ATG7: variants seen among roughly 807,000 people sequenced by gnomAD.
ATG7 encodes the protein ubiquitin-like modifier-activating enzyme ATG7.
Under a neutral mutation model 82.4 loss-of-function variants are expected in ATG7, and 70 were observed. The observed-to-expected ratio is 0.85, with a 90% CI of 0.70 to 1.04. The LOEUF (loss-of-function observed/expected upper bound fraction) is 1.04, where lower values mean the gene tolerates loss of function less well. Among genes scored for constraint, ATG7 ranks in the 50% least tolerant of loss-of-function variants. The pLI is 0.00. For missense variants in ATG7, 792 were observed against 864.3 expected, an observed-to-expected ratio of 0.92 and a Z score of 1.05; for synonymous variants, 287 against 313.0, an observed-to-expected ratio of 0.92 and a Z score of 0.88.
intron 19 of ATG7, among the ~76,000 whole-genome samples, chr3:11,383,820 A>G (rs1448316434): frequency 6.6e-6 from 1 of 152,256 alleles, no homozygotes; most frequent in Non-Finnish European, 1.5e-5. Context: ...TTGCTAGCCC[A>G]TACTACTACA....
At chr3:11,354,223 A>T (rs2075769201) in intron 14 of ATG7, among the ~76,000 whole-genome samples, 1 of 151,850 alleles carries the variant, frequency 6.6e-6, no homozygotes, top group African/African-American at 2.4e-5. Context: ...GGTGCCTTTA[A>T]AAAAGCTATG....
intron 3 of ATG7, among the ~76,000 whole-genome samples, chr3:11,289,564 A>G (rs1355202732): frequency 6.6e-6 from 1 of 152,210 alleles, no homozygotes; most frequent in Non-Finnish European, 1.5e-5. Flanking sequence ...CCTAAGGCCA[A>G]ATAAGTCAGA....
At chr3:11,329,254 T>G (rs1951307412) in intron 9 of ATG7, among the ~76,000 whole-genome samples, 1 of 152,228 alleles carries the variant, frequency 6.6e-6, no homozygotes, top group Non-Finnish European at 1.5e-5. Context: ...GGGTTATGGG[T>G]ATTCTTCTGA....
chr3:11,392,283 G>A (rs1184358018), intron 19 of ATG7, among the ~76,000 whole-genome samples: 2 of 151,926 alleles, frequency 1.3e-5, no homozygotes, highest in Non-Finnish European at 2.9e-5. Flanking sequence ...TGGAGGGCAG[G>A]GACATGCAGC....
rs1425736475 is a variant in ATG7, at chr3:11,306,720, A to G, written c.216-223A>G. Among the ~76,000 whole-genome samples, 4 of 152,200 alleles carry G rather than the reference A, an allele frequency of 2.6e-5. 1 individual carries two copies. The highest frequency in any genetic ancestry group is 4.1e-4 in the South Asian group (2 of 4,830). ...TGGGGGACAGTAGAACAGCATCCTG[A>G]TAGGTTAGAGTATAGGGAATATATA... On this transcript the variant is annotated intron_variant, in intron 5 of 20. Transcript: ENST00000693202.
chr3:11,555,093 C>G lies in ATG7; in HGVS notation c.*250C>G, dbSNP rs553825991. On this transcript the variant is annotated 3_prime_UTR_variant, in exon 21 of 21. Coordinates refer to ENST00000693202, the MANE Select transcript of ATG7 (RefSeq NM_001349232.2). ...TGCTATTGACCTGGGACTTGGTCCT[C>G]CATGCAGTTTTTATTTCTTGTCACA... The G allele has an allele frequency of 6.4e-5, 33 of 512,080 alleles. No homozygotes were observed. Among genetic ancestry groups the G allele is most frequent in the African/African-American group, 6.3e-4 (32 of 50,940 alleles). The allele number at this position is 512,080 out of a possible 1,614,324, so 31.7% of individuals were successfully genotyped here.
downstream of ATG7, chr3:11,559,491 G>T: frequency 6.6e-7 from 1 of 1,519,042 alleles, no homozygotes; most frequent in Non-Finnish European, 8.8e-7. Context: ...GTGGAGACCA[G>T]CTTCAGTACC....
chr3:11,459,329 T>C (rs2086079454), intron 20 of ATG7, among the ~76,000 whole-genome samples: 1 of 152,178 alleles, frequency 6.6e-6, no homozygotes, highest in Admixed American at 6.5e-5. Context: ...ATGTATCATC[T>C]CAGACATATG....
intron 20 of ATG7, among the ~76,000 whole-genome samples, chr3:11,489,736 C>A (rs1192960143): frequency 6.7e-6 from 1 of 148,308 alleles, no homozygotes; most frequent in African/African-American, 2.5e-5. Context: ...CGTTATGTAC[C>A]CAGTAGTCAT....
intron 20 of ATG7, among the ~76,000 whole-genome samples, chr3:11,451,650 G>C (rs2085142565): frequency 6.6e-6 from 1 of 152,092 alleles, no homozygotes; most frequent in Admixed American, 6.6e-5. Context: ...ACTCCTGGGA[G>C]TTCTACACTC....
chr3:11,331,390 G>A lies in ATG7; in HGVS notation c.729G>A (p.Trp243Ter). The A allele has an allele frequency of 1.2e-6, 2 of 1,613,786 alleles. No homozygotes were observed. Among genetic ancestry groups the A allele is most frequent in the Non-Finnish European group, 1.7e-6 (2 of 1,179,716 alleles). ...GTAACTTAGCCCAGTACCCTGGATGGCCTTTGAGGAATTTTTTGGTCCTAG... is the reference window on the plus strand; with the variant it reads ...GTAACTTAGCCCAGTACCCTGGATGACCTTTGAGGAATTTTTTGGTCCTAG... Reference protein sequence around the residue: ...DPCNLAQYPGWPLRNFLVLAA... With the variant: ...DPCNLAQYPG Residue 243 changes from tryptophan to a stop codon, truncating the protein, a stop_gained, in exon 10 of 21, where the codon TGG (tryptophan) becomes TGA (stop). Coordinates refer to ENST00000693202, the MANE Select transcript of ATG7 (RefSeq NM_001349232.2). LOFTEE classifies it high-confidence loss of function.
At chr3:11,297,485 T>C (rs1946124376) in intron 3 of ATG7, among the ~76,000 whole-genome samples, 1 of 152,192 alleles carries the variant, frequency 6.6e-6, no homozygotes, top group Admixed American at 6.5e-5. Context: ...GCTGCCAGAT[T>C]TCTTTAGTAT....
intron 20 of ATG7, chr3:11,510,281 T>C (rs778123389): frequency 2.4e-5 from 11 of 456,518 alleles, no homozygotes; most frequent in Non-Finnish European, 1.8e-5. Context: ...AATAGATCTC[T>C]ACCAGCTCTC....
intron 20 of ATG7, among the ~76,000 whole-genome samples, chr3:11,550,796 T>C (rs1312986280): frequency 6.6e-6 from 1 of 152,134 alleles, no homozygotes; most frequent in Non-Finnish European, 1.5e-5. Flanking sequence ...CCCGTGCATA[T>C]TGCATGCATG....
chr3:11,392,567 G>A (rs555783349), intron 19 of ATG7, among the ~76,000 whole-genome samples: 81 of 152,152 alleles, frequency 5.3e-4, no homozygotes, highest in Non-Finnish European at 5.3e-4. Flanking sequence ...CAGGCACCCA[G>A]GCCCAGCAAA....
chr3:11,392,989 G>A (rs1045179239), intron 19 of ATG7, among the ~76,000 whole-genome samples: 83 of 152,124 alleles, frequency 5.5e-4, no homozygotes, highest in African/African-American at 1.9e-3. Context: ...CCTGTCCTTT[G>A]GGTATGTATC....
At chr3:11,450,288 T>C (rs2152983694) in intron 20 of ATG7, among the ~76,000 whole-genome samples, 1 of 152,330 alleles carries the variant, frequency 6.6e-6, no homozygotes, top group Non-Finnish European at 1.5e-5. Flanking sequence ...AGTGTCTTTC[T>C]TACATATTAG....
chr3:11,461,997 C>T (rs1204037787), intron 20 of ATG7, among the ~76,000 whole-genome samples: 1 of 151,782 alleles, frequency 6.6e-6, no homozygotes, highest in Non-Finnish European at 1.5e-5. Context: ...TGCCGCTGCA[C>T]TCCAGCCTGG....
At chr3:11,492,557 C>G (rs2454482) in intron 20 of ATG7, among the ~76,000 whole-genome samples, 1 of 152,048 alleles carries the variant, frequency 6.6e-6, no homozygotes, top group Non-Finnish European at 1.5e-5. Context: ...TTACTCAGTC[C>G]GTTGTGCTCA....
Sources: gnomAD v4.1 joint callset for allele counts (sites outside exome capture counted in the v4.1 genomes callset) on GRCh38, gnomAD v4.1.1 for gene constraint, MANE v1.5 for transcripts, NCBI Gene and HGNC (gene_info 2026-07-23, HGNC 2026-07-21) for gene names.